SAG: variants seen among roughly 807,000 people sequenced by gnomAD.
The protein encoded by SAG is S-arrestin.
SAG carries 45 observed loss-of-function variants against 55.0 expected under a neutral mutation model. The observed-to-expected ratio is 0.82, with a 90% CI of 0.64 to 1.05. SAG has a LOEUF of 1.05. Among genes scored for constraint, SAG ranks in the 50% least tolerant of loss-of-function variants. SAG has a pLI of 0.00. For synonymous variants in SAG, 189 were observed against 197.4 expected, an observed-to-expected ratio of 0.96 and a Z score of 0.36; for missense variants, 455 against 512.1, an observed-to-expected ratio of 0.89 and a Z score of 1.08.
intron 11 of SAG, among the ~76,000 whole-genome samples, chr2:233,335,734 A>T (rs1013566923): frequency 3.3e-5 from 5 of 152,260 alleles, no homozygotes; most frequent in African/African-American, 1.2e-4. Context: ...CAGCAGATCT[A>T]GCGAAGACTA....
At chr2:233,311,381 C>A (rs1012721874) in intron 2 of SAG, among the ~76,000 whole-genome samples, 3 of 152,148 alleles carry the variant, frequency 2.0e-5, no homozygotes, top group African/African-American at 7.2e-5. Context: ...GTCAGGAAAT[C>A]TTTCCCAAGA....
intron 8 of SAG, chr2:233,329,119 T>G (rs894100): frequency 0.74 from 211,545 of 286,626 alleles, 78,865 homozygotes; most frequent in African/African-American, 0.84. Context: ...AGTCAGCCAT[T>G]TGTGCACTGT....
At chr2:233,335,895 C>T (rs951127787) in intron 11 of SAG, among the ~76,000 whole-genome samples, 7 of 152,224 alleles carry the variant, frequency 4.6e-5, no homozygotes, top group African/African-American at 1.7e-4. Flanking sequence ...CCCAGTAGAC[C>T]ACCTCCGAGG....
chr2:233,327,865 T>TA (rs1700617245), intron 7 of SAG: 1 of 152,770 alleles, frequency 6.5e-6, no homozygotes, highest in South Asian at 2.1e-4. Context: ...TAACCACTTT[T>TA]AAATGTACCA....
At chr2:233,313,914 G>A (rs1408489044) in intron 2 of SAG, among the ~76,000 whole-genome samples, 1 of 150,368 alleles carries the variant, frequency 6.7e-6, no homozygotes, top group African/African-American at 2.4e-5. Context: ...GTAGGCAGGT[G>A]TGAAAGAAAT....
At chr2:233,330,483 T>C (rs1433098154) in intron 9 of SAG, among the ~76,000 whole-genome samples, 11 of 58,628 alleles carry the variant, frequency 1.9e-4, no homozygotes, top group East Asian at 1.6e-3. Context: ...CTCCCTTCCT[T>C]CCTTCCTTCC....
Position 233,322,990 on chromosome 2 carries a change from A to C in SAG, c.420A>C (p.Pro140=). 3 of 1,575,124 alleles carry C rather than the reference A, an allele frequency of 1.9e-6. No individual in the cohort carries two copies. The highest frequency in any genetic ancestry group is 2.6e-6 in the Non-Finnish European group (3 of 1,156,010). Residue 140 remains proline, a synonymous_variant, in exon 6 of 16, where the codon CCA becomes CCC. Transcript: ENST00000409110. The part of the protein sequence containing the change: ...LPCSVMLQPA[P]QDSGKSCGVD... ...GTTCAGTGATGTTGCAGCCAGCTCC[A>C]CAAGATTCAGGGAAGGTTAGTTCAA...
chr2:233,339,544 T>TG (rs1701035180), intron 12 of SAG, among the ~76,000 whole-genome samples: 1 of 151,736 alleles, frequency 6.6e-6, no homozygotes, highest in African/African-American at 2.4e-5. Context: ...AGTGTTTTTT[T>TG]TTTTTTTTTT....
intron 9 of SAG, 22 bp downstream of exon 9, chr2:233,329,599 T>C (rs1401939977): frequency 1.6e-5 from 24 of 1,499,876 alleles, no homozygotes; most frequent in South Asian, 5.7e-5. Context: ...TTCTCAGAAG[T>C]AGAGGGCATA....
At chr2:233,314,675 G>A (rs763505659) in intron 2 of SAG, among the ~76,000 whole-genome samples, 4 of 152,202 alleles carry the variant, frequency 2.6e-5, no homozygotes, top group Non-Finnish European at 5.9e-5. Context: ...GCTTAGCGCT[G>A]GGAGTATAAG....
chr2:233,341,791 C>T (rs918753529), intron 13 of SAG, among the ~76,000 whole-genome samples: 2 of 152,046 alleles, frequency 1.3e-5, no homozygotes, highest in African/African-American at 2.4e-5. Context: ...TGCATAACAG[C>T]GTAAATGTAT....
Position 233,312,942 on chromosome 2 carries a change from G to C in SAG, c.76-3133G>C, listed in dbSNP as rs533345315. On this transcript the variant is annotated intron_variant, in intron 2 of 15. Transcript: ENST00000409110. ...TGCTGGGCTCCCAACCAAAGAGCAGGGACCTTGGGGACCAAGGGGATGTCT... is the reference window on the plus strand; with the variant it reads ...TGCTGGGCTCCCAACCAAAGAGCAGCGACCTTGGGGACCAAGGGGATGTCT... Among the ~76,000 whole-genome samples, 11 of 152,328 alleles carry C rather than the reference G, an allele frequency of 7.2e-5. No individual in the cohort carries two copies. In the East Asian group the frequency reaches 2.1e-3, roughly 29 times the overall value.
chr2:233,343,539 G>T, intron 14 of SAG: 1 of 412,968 alleles, frequency 2.4e-6, no homozygotes, highest in Non-Finnish European at 4.0e-6. Flanking sequence ...GTATGACTCT[G>T]AAAACATATA....
intron 8 of SAG, 40 bp downstream of exon 8, chr2:233,328,653 C>T (rs1225074605): frequency 5.1e-6 from 8 of 1,571,594 alleles, no homozygotes; most frequent in Non-Finnish European, 6.9e-6. Flanking sequence ...GGGCAGCAGG[C>T]CTAGGGGCAG....
rs373645324 is a variant in SAG, at chr2:233,311,776, A to G, written c.75+2512A>G. Among the ~76,000 whole-genome samples, 5 of 152,064 alleles carry G rather than the reference A, an allele frequency of 3.3e-5. No individual in the cohort carries two copies. The East Asian group carries it at 9.6e-4, about 29-fold the overall frequency. ...GGCCACCTTCTCAGGGGCCTCAGTC[A>G]TTGGTCTGGCTGTGTGTGCAGCCTC... On this transcript the variant is annotated intron_variant, in intron 2 of 15. Coordinates refer to ENST00000409110, the MANE Select transcript of SAG (RefSeq NM_000541.5).
intron 2 of SAG, 89 bp from the exon 3 acceptor site, chr2:233,315,986 C>A: frequency 1.3e-6 from 1 of 770,722 alleles, no homozygotes; most frequent in Non-Finnish European, 2.3e-6. Flanking sequence ...AGGTGTGAGC[C>A]ACCGCGCCCG....
intron 5 of SAG, among the ~76,000 whole-genome samples, chr2:233,322,327 G>T (rs992336128): frequency 6.6e-6 from 1 of 152,130 alleles, no homozygotes; most frequent in Non-Finnish European, 1.5e-5. Flanking sequence ...AAAGGGGACT[G>T]GCTACGTTAA....
At chr2:233,339,114 C>A (rs566972941) in intron 12 of SAG, among the ~76,000 whole-genome samples, 1 of 152,338 alleles carries the variant, frequency 6.6e-6, no homozygotes, top group East Asian at 1.9e-4. Flanking sequence ...AGTAAATCTT[C>A]ATGTTTTTGC....
At chr2:233,323,780 A>G (rs1700461385) in intron 6 of SAG, among the ~76,000 whole-genome samples, 1 of 152,234 alleles carries the variant, frequency 6.6e-6, no homozygotes, top group Admixed American at 6.5e-5. Flanking sequence ...GTTATTAACC[A>G]TGAACATCCT....
Sources: gnomAD v4.1 joint callset for allele counts (sites outside exome capture counted in the v4.1 genomes callset) on GRCh38, gnomAD v4.1.1 for gene constraint, MANE v1.5 for transcripts, NCBI Gene and HGNC (gene_info 2026-07-23, HGNC 2026-07-21) for gene names.